Variants in SV2C observed in about 807,000 individuals in gnomAD.
SV2C encodes synaptic vesicle glycoprotein 2C, also known as solute carrier family 22 member B3.
In SV2C, 49 loss-of-function variants were observed where a neutral mutation model predicts 79.7. That is an observed-to-expected ratio of 0.61 (90% CI 0.49 to 0.78). The LOEUF (loss-of-function observed/expected upper bound fraction) is 0.78, where lower values mean the gene tolerates loss of function less well. SV2C is among the 30% of genes least tolerant of loss of function. The pLI is 0.00. For synonymous variants in SV2C, 334 were observed against 333.2 expected, an observed-to-expected ratio of 1.00 and a Z score of -0.03; for missense variants, 833 against 912.9, an observed-to-expected ratio of 0.91 and a Z score of 1.13.
At chr5:76,002,801 G>C in the SV2C span, among the ~76,000 whole-genome samples, 1 of 151,970 alleles carries the variant, frequency 6.6e-6, no homozygotes, top group African/African-American at 2.4e-5. Flanking sequence ...AGATAAAAAT[G>C]ATAAAAATAA....
the SV2C span, among the ~76,000 whole-genome samples, chr5:75,942,677 T>C: frequency 6.6e-6 from 1 of 152,208 alleles, no homozygotes; most frequent in Non-Finnish European, 1.5e-5. Context: ...CATAATTTAT[T>C]CCTAGGGATC....
At chr5:75,947,580 G>A in the SV2C span, among the ~76,000 whole-genome samples, 3 of 152,054 alleles carry the variant, frequency 2.0e-5, no homozygotes, top group East Asian at 1.9e-4. Context: ...AAGGACATGT[G>A]CTCCACTACG....
Position 76,333,919 on chromosome 5 carries a change from AAG to A in SV2C, c.*8375_*8376del, listed in dbSNP as rs1391246951. ...TATTTAGTGTATATCAGATTAATAA[AAG>A]AGCATTTTTTTTTTGCTCCATTATA... On this transcript the variant is annotated 3_prime_UTR_variant, in exon 13 of 13. Coordinates refer to ENST00000502798, the MANE Select transcript of SV2C (RefSeq NM_014979.4). The A allele has an allele frequency of 1.5e-5, 1 of 67,036 alleles. No individual in the cohort carries two copies. The highest frequency in any genetic ancestry group is 3.3e-5 in the Non-Finnish European group (1 of 30,260). 4.2% of individuals were successfully genotyped at this position (67,036 alleles called of 1,614,324 possible). A position where few individuals can be genotyped will look rare whatever the true frequency, so the allele number is the denominator to read the frequency against.
chr5:75,889,321 A>T, the SV2C span, among the ~76,000 whole-genome samples: 1 of 147,422 alleles, frequency 6.8e-6, no homozygotes, highest in African/African-American at 2.5e-5. Context: ...TCATTGTTCA[A>T]CTCCCACTTA....
At chr5:76,321,295 AG>A (rs1554047793) in intron 12 of SV2C, among the ~76,000 whole-genome samples, 11 of 125,018 alleles carry the variant, frequency 8.8e-5, no homozygotes, top group African/African-American at 2.5e-4. Context: ...TTTCCCTCTT[AG>A]GGGGAAAAAA....
At chr5:76,138,574 C>T (rs943891450) in intron 2 of SV2C, among the ~76,000 whole-genome samples, 1 of 152,120 alleles carries the variant, frequency 6.6e-6, no homozygotes, top group African/African-American at 2.4e-5. Flanking sequence ...GAGAATTAAC[C>T]TATCAAATTA....
the SV2C span, among the ~76,000 whole-genome samples, chr5:76,011,252 T>A: frequency 1.2e-4 from 19 of 152,166 alleles, no homozygotes; most frequent in Admixed American, 1.2e-3. Flanking sequence ...ATAGAAACTT[T>A]GAAATAATAG....
the SV2C span, among the ~76,000 whole-genome samples, chr5:75,858,906 T>A: frequency 6.6e-6 from 1 of 152,314 alleles, no homozygotes; most frequent in African/African-American, 2.4e-5. Flanking sequence ...CTCTAAATGA[T>A]CCATTGAATT....
chr5:76,168,150 G>T (rs920955880), intron 2 of SV2C, among the ~76,000 whole-genome samples: 1 of 152,048 alleles, frequency 6.6e-6, no homozygotes, highest in East Asian at 1.9e-4. Context: ...ATAGAGTCAA[G>T]GTCCATGGCC....
In SV2C at chr5:76,127,026, C is replaced by G. The variant is rs187523257; in HGVS notation, c.-101-4624C>G. ...TTAGCCATTATTATTGCTATCATTACTCTATCAGGGCACAATGGTTTTAAA... is the reference window on the plus strand; with the variant it reads ...TTAGCCATTATTATTGCTATCATTAGTCTATCAGGGCACAATGGTTTTAAA... On this transcript the variant is annotated intron_variant, in intron 1 of 12. Coordinates refer to ENST00000502798, the MANE Select transcript of SV2C (RefSeq NM_014979.4). Among the ~76,000 whole-genome samples, 281 of 152,318 alleles carry G rather than the reference C, an allele frequency of 1.8e-3. 1 individual carries two copies. The highest frequency in any genetic ancestry group is 6.5e-3 in the African/African-American group (270 of 41,560).
chr5:76,284,197 T>A lies in SV2C; in HGVS notation c.914-965T>A, dbSNP rs1043273190. Among the ~76,000 whole-genome samples, 52 of 152,184 alleles carry A rather than the reference T, an allele frequency of 3.4e-4. 3 individuals are homozygous for A. Among genetic ancestry groups the A allele is most frequent in the Non-Finnish European group, 1.5e-5 (1 of 68,032 alleles). On this transcript the variant is annotated intron_variant, in intron 4 of 12. Transcript: ENST00000502798. ...ATGGTTTGCTTTCAACCATTTTATG[T>A]TTATTCAAATATTAGCTTTCTTTTA... is the stretch of plus-strand genomic sequence containing the variant.
the SV2C span, among the ~76,000 whole-genome samples, chr5:75,914,642 A>G: frequency 2.8e-4 from 43 of 152,340 alleles, no homozygotes; most frequent in African/African-American, 9.9e-4. Context: ...AGAGAGTACA[A>G]TTAACTGAAA....
the SV2C span, among the ~76,000 whole-genome samples, chr5:75,979,836 A>G: frequency 6.6e-6 from 1 of 152,204 alleles, no homozygotes; most frequent in Non-Finnish European, 1.5e-5. Context: ...CCAAGGGCAG[A>G]TAAATCCCAA....
At chr5:76,272,466 T>C (rs546836755) in intron 4 of SV2C, among the ~76,000 whole-genome samples, 2 of 152,340 alleles carry the variant, frequency 1.3e-5, no homozygotes, top group East Asian at 3.9e-4. Context: ...GTTGGGCTTT[T>C]TGGGTTTTTA....
chr5:76,049,024 A>AAAGAAAGAAAGAAAG, the SV2C span, among the ~76,000 whole-genome samples: 7 of 120,520 alleles, frequency 5.8e-5, 1 homozygote, highest in Admixed American at 1.7e-4. Flanking sequence ...AGAAAGAAAG[A>AAAGAAAGAAAGAAAG]AAAAGAAAAG....
chr5:75,955,184 T>C, the SV2C span, among the ~76,000 whole-genome samples: 3 of 151,826 alleles, frequency 2.0e-5, no homozygotes, highest in Non-Finnish European at 2.9e-5. Context: ...ATGGTACTGG[T>C]GCCAATACAG....
chr5:76,077,592 G>A, the SV2C span, among the ~76,000 whole-genome samples: 1 of 152,172 alleles, frequency 6.6e-6, no homozygotes, highest in African/African-American at 2.4e-5. Context: ...CACAATTTTG[G>A]AAAGGAAATG....
At chr5:75,848,763 A>G in the SV2C span, among the ~76,000 whole-genome samples, 1 of 152,180 alleles carries the variant, frequency 6.6e-6, no homozygotes, top group Admixed American at 6.5e-5. Context: ...CATATATCCT[A>G]TATGGGACAG....
chr5:76,088,131 G>A (rs1043713105), intron 1 of SV2C, among the ~76,000 whole-genome samples: 3 of 152,014 alleles, frequency 2.0e-5, no homozygotes, highest in African/African-American at 7.2e-5. Flanking sequence ...ACCTGCCCCC[G>A]CTTACCTCTA....
Sources: allele counts gnomAD v4.1 joint callset (sites outside exome capture counted in the v4.1 genomes callset), GRCh38; gene constraint gnomAD v4.1.1; transcripts MANE v1.5; gene names NCBI Gene and HGNC (gene_info 2026-07-23, HGNC 2026-07-21).